The following DDX4 variants were observed in gnomAD, a reference collection of about 807,000 sequenced individuals.
DDX4 encodes the protein probable ATP-dependent RNA helicase DDX4.
A neutral mutation model predicts 100.0 loss-of-function variants in DDX4; 25 were observed. The ratio of observed to expected loss-of-function variants is 0.25; its 90% CI spans 0.18 to 0.35. The LOEUF (loss-of-function observed/expected upper bound fraction) is 0.35, where lower values mean the gene tolerates loss of function less well. DDX4 is among the 10% of genes least tolerant of loss of function. DDX4 has a pLI of 1.00. For synonymous variants in DDX4, 259 were observed against 275.7 expected, an observed-to-expected ratio of 0.94 and a Z score of 0.60; for missense variants, 635 against 882.4, an observed-to-expected ratio of 0.72 and a Z score of 3.55.
intron 7 of DDX4, among the ~76,000 whole-genome samples, chr5:55,778,032 CTA>C (rs1194005080): frequency 8.6e-5 from 13 of 152,014 alleles, no homozygotes; most frequent in African/African-American, 2.9e-4. Context: ...ATCATATACT[CTA>C]AAATTATAAA....
intron 18 of DDX4, among the ~76,000 whole-genome samples, chr5:55,807,596 G>A (rs1232145548): frequency 6.6e-6 from 1 of 152,156 alleles, no homozygotes; most frequent in East Asian, 1.9e-4. Context: ...TAGTTTGGCT[G>A]GATATGAAAT....
chr5:55,763,363 A>G, intron 5 of DDX4, 111 bp downstream of exon 5: 2 of 750,160 alleles, frequency 2.7e-6, no homozygotes, highest in African/African-American at 1.7e-5. Context: ...TTCAAGGTAT[A>G]TATTCTGTGA....
intron 3 of DDX4, among the ~76,000 whole-genome samples, chr5:55,752,170 A>T (rs185341064): frequency 2.6e-5 from 4 of 151,976 alleles, no homozygotes; most frequent in East Asian, 1.9e-4. Context: ...TTTATTTATT[A>T]ATTTTTTTCT....
chr5:55,766,862 G>T, intron 6 of DDX4: 1 of 1,497,564 alleles, frequency 6.7e-7, no homozygotes, highest in Non-Finnish European at 8.9e-7. Flanking sequence ...AAAGCCTGAT[G>T]TCATAGTAAT....
At chr5:55,777,397 G>A (rs1285766972) in intron 7 of DDX4, 5 of 152,004 alleles carry the variant, frequency 3.3e-5, no homozygotes, top group Non-Finnish European at 1.5e-5. Flanking sequence ...TTGAGGCCAG[G>A]AATTCAAGGC....
chr5:55,770,842 C>T (rs1322556097), intron 7 of DDX4, among the ~76,000 whole-genome samples: 1 of 152,096 alleles, frequency 6.6e-6, no homozygotes, highest in African/African-American at 2.4e-5. Flanking sequence ...ATTTTTGGCA[C>T]TTAATGTTCC....
At chr5:55,810,976 C>A (rs927536437) in intron 18 of DDX4, among the ~76,000 whole-genome samples, 3 of 151,462 alleles carry the variant, frequency 2.0e-5, no homozygotes, top group African/African-American at 7.3e-5. Flanking sequence ...AAATAGGGAA[C>A]CTTTTCTCTT....
At chr5:55,779,865 G>A (rs1202377374) in intron 7 of DDX4, 99 bp from the exon 8 acceptor site, 3 of 1,470,766 alleles carry the variant, frequency 2.0e-6, no homozygotes, top group African/African-American at 1.4e-5. Flanking sequence ...CTTGTTTAAA[G>A]TTACTGAATT....
rs571385680 is a variant in DDX4, at chr5:55,740,098, C to T, written c.69+1066C>T. Among the ~76,000 whole-genome samples, 7 of 152,222 alleles carry T rather than the reference C, an allele frequency of 4.6e-5. No individual in the cohort carries two copies. In the East Asian group the frequency reaches 9.7e-4, roughly 21 times the overall value. On this transcript the variant is annotated intron_variant, in intron 2 of 21. Transcript: ENST00000505374. Reference sequence around the variant, plus strand: ...TTTTTGGGAAAAGTGGAGAAAGTCACCTACAAATCTTGCCCAATAGACAAG... The same window carrying T: ...TTTTTGGGAAAAGTGGAGAAAGTCATCTACAAATCTTGCCCAATAGACAAG...
intron 4 of DDX4, 26 bp downstream of exon 4, chr5:55,760,303 C>G: frequency 6.6e-7 from 1 of 1,524,150 alleles, no homozygotes; most frequent in Non-Finnish European, 8.7e-7. Flanking sequence ...TTTCCTTAAT[C>G]TCCTGAACTG....
At chr5:55,813,237 G>C (rs1201936726) in intron 18 of DDX4, among the ~76,000 whole-genome samples, 1 of 152,110 alleles carries the variant, frequency 6.6e-6, no homozygotes, top group African/African-American at 2.4e-5. Flanking sequence ...AGCAGCCCCA[G>C]GTCAGATGCC....
intron 18 of DDX4, among the ~76,000 whole-genome samples, chr5:55,803,750 A>C (rs952973570): frequency 6.6e-6 from 1 of 151,822 alleles, no homozygotes; most frequent in Non-Finnish European, 1.5e-5. Flanking sequence ...GGTTGGTTCC[A>C]AGTCTTTGCT....
chr5:55,772,243 G>A (rs370726678), intron 7 of DDX4, among the ~76,000 whole-genome samples: 1 of 152,096 alleles, frequency 6.6e-6, no homozygotes, highest in Non-Finnish European at 1.5e-5. Flanking sequence ...TTAATCTGGA[G>A]TTTATTTTTG....
chr5:55,775,658 A>T (rs1330858761), intron 7 of DDX4, among the ~76,000 whole-genome samples: 2 of 152,150 alleles, frequency 1.3e-5, no homozygotes, highest in African/African-American at 4.8e-5. Flanking sequence ...GTATTTTTTT[A>T]AAAAGTAATA....
rs547938057 is a variant in DDX4 at position 55,787,568 on chromosome 5, T to C, written c.1018-278T>C. Among the ~76,000 whole-genome samples the C allele has an allele frequency of 9.1e-4, 138 of 152,300 alleles. No homozygotes were observed. The Middle Eastern group carries it at 0.01, about 11-fold the overall frequency. ...ATATTCCTCTATAAATATGCTAATGTTGTTGATCTGTTTAGAATTCGTGGG... is the reference window on the plus strand; with the variant it reads ...ATATTCCTCTATAAATATGCTAATGCTGTTGATCTGTTTAGAATTCGTGGG... On this transcript the variant is annotated intron_variant, in intron 14 of 21. Transcript: ENST00000505374.
intron 7 of DDX4, among the ~76,000 whole-genome samples, chr5:55,771,403 G>A (rs1162282413): frequency 6.6e-6 from 1 of 152,102 alleles, no homozygotes; most frequent in Non-Finnish European, 1.5e-5. Context: ...ATAGTATGTA[G>A]TGTTTTATGT....
rs193155020 is a variant in DDX4, at chr5:55,755,588, C to T, written c.128-4612C>T. On this transcript the variant is annotated intron_variant, in intron 3 of 21. Coordinates refer to ENST00000505374, the MANE Select transcript of DDX4 (RefSeq NM_024415.3). ...GGCGTATAGTTTTCTTCTGTCATGT[C>T]GTCCTCACTTGGTTTTGGTTTCAAG... is the stretch of plus-strand genomic sequence containing the variant. 3.3e-5 allele frequency among the ~76,000 whole-genome samples: 5 copies of T among 152,198 alleles called. No homozygotes were observed. The East Asian group carries it at 9.6e-4, about 29-fold the overall frequency.
chr5:55,781,262 C>A, intron 9 of DDX4, 116 bp downstream of exon 9: 1 of 717,026 alleles, frequency 1.4e-6, no homozygotes, highest in Non-Finnish European at 2.1e-6. Context: ...ATTTTCTCTG[C>A]TTTTAGATCT....
intron 3 of DDX4, among the ~76,000 whole-genome samples, chr5:55,749,316 C>T (rs1464454714): frequency 1.3e-5 from 2 of 152,072 alleles, no homozygotes; most frequent in Admixed American, 1.3e-4. Context: ...CCTGTAATCC[C>T]AGCTACTCAA....
Sources: allele counts gnomAD v4.1 joint callset (sites outside exome capture counted in the v4.1 genomes callset), GRCh38; gene constraint gnomAD v4.1.1; transcripts MANE v1.5; gene names NCBI Gene and HGNC (gene_info 2026-07-23, HGNC 2026-07-21).